CCDC62: variants seen among roughly 807,000 people sequenced by gnomAD.
The protein encoded by CCDC62 is coiled-coil domain-containing protein 62.
CCDC62 carries 72 observed loss-of-function variants against 80.8 expected under a neutral mutation model. That is an observed-to-expected ratio of 0.89 (90% CI 0.74 to 1.08). CCDC62 has a LOEUF of 1.08. Ranked by LOEUF, CCDC62 falls within the 50% of genes least tolerant of loss-of-function variation. The pLI is 0.00. For synonymous variants in CCDC62, 286 were observed against 296.5 expected, an observed-to-expected ratio of 0.96 and a Z score of 0.36; for missense variants, 704 against 809.4, an observed-to-expected ratio of 0.87 and a Z score of 1.58.
Position 122,823,403 on chromosome 12 carries a change from C to T in CCDC62, c.2039C>T (p.Thr680Ile), listed in dbSNP as rs779952779. The T allele has an allele frequency of 1.9e-6, 3 of 1,613,014 alleles. No individual in the cohort carries two copies. Among genetic ancestry groups the T allele is most frequent in the Admixed American group, 3.3e-5 (2 of 60,004 alleles). Residue 680 changes from threonine to isoleucine, a missense_variant, in exon 12 of 13, where the codon ACC (threonine) becomes ATC (isoleucine). Physicochemically the swap from Thr to Ile is moderately conservative, Grantham distance 89. Transcript: ENST00000253079. ...CCAGAAGAGTCAGCTCAAAAAAATA[C>T]CTTTGTCAGTTATTGAAGGAAACAA... The part of the protein sequence containing the change: ...EVPEESAQKN[T>I]FVSY
rs1224013559 is a variant in CCDC62 at position 122,801,432 on chromosome 12, A to C, written c.1286A>C (p.Lys429Thr). ...IEPENKITLC[K>T]IHTKSPKCHG... ...CCCGAAAACAAAATTACATTGTGCAAGATCCACACAAAATCACCAAAATGT... is the reference window on the plus strand; with the variant it reads ...CCCGAAAACAAAATTACATTGTGCACGATCCACACAAAATCACCAAAATGT... Residue 429 changes from lysine to threonine, a missense_variant, in exon 9 of 13, where the codon AAG becomes ACG. Transcript: ENST00000253079. 1 of 1,614,178 alleles carries C rather than the reference A, an allele frequency of 6.2e-7. No individual in the cohort carries two copies. The highest frequency in any genetic ancestry group is 8.5e-7 in the Non-Finnish European group (1 of 1,180,032).
intron 11 of CCDC62, among the ~76,000 whole-genome samples, chr12:122,816,671 T>G (rs2032178417): frequency 6.6e-6 from 1 of 152,168 alleles, no homozygotes; most frequent in Admixed American, 6.6e-5. Context: ...AGGTCAAGAC[T>G]GTGGTGAGCC....
At chr12:122,819,962 T>C (rs764333628) in intron 11 of CCDC62, among the ~76,000 whole-genome samples, 41 of 141,774 alleles carry the variant, frequency 2.9e-4, no homozygotes, top group Non-Finnish European at 4.8e-4. Context: ...CTCGGGAGGC[T>C]GGGACAGGAG....
chr12:122,818,532 G>A (rs2456151), intron 11 of CCDC62, among the ~76,000 whole-genome samples: 16,518 of 151,716 alleles, frequency 0.11, 2,117 homozygotes, highest in African/African-American at 0.31. Context: ...GTTGAGGGGG[G>A]AGGATCGCTT....
intron 12 of CCDC62, among the ~76,000 whole-genome samples, chr12:122,825,676 A>G (rs2032593191): frequency 6.7e-6 from 1 of 150,018 alleles, no homozygotes. Context: ...TATGTGGAGT[A>G]AAGTTTTATA....
At chr12:122,825,675 T>C (rs2032593013) in intron 12 of CCDC62, among the ~76,000 whole-genome samples, 1 of 148,562 alleles carries the variant, frequency 6.7e-6, no homozygotes, top group Non-Finnish European at 1.5e-5. Flanking sequence ...TTATGTGGAG[T>C]AAAGTTTTAT....
At chr12:122,781,689 A>T (rs936239459) in intron 3 of CCDC62, among the ~76,000 whole-genome samples, 3 of 151,994 alleles carry the variant, frequency 2.0e-5, no homozygotes, top group Non-Finnish European at 4.4e-5. Flanking sequence ...CTGTCTCAAA[A>T]AAAAAAAGAA....
intron 3 of CCDC62, among the ~76,000 whole-genome samples, chr12:122,783,376 C>T (rs1241040370): frequency 2.6e-5 from 4 of 151,574 alleles, no homozygotes; most frequent in Non-Finnish European, 5.9e-5. Flanking sequence ...TACAGGCGCC[C>T]GCCACCACGC....
chr12:122,797,207 C>A, intron 6 of CCDC62, 100 bp from the exon 7 acceptor site: 2 of 655,950 alleles, frequency 3.0e-6, no homozygotes, highest in Admixed American at 2.3e-5. Context: ...ACAGGAACAA[C>A]AACAACAAAA....
chr12:122,802,296 T>C (rs1031227085), intron 9 of CCDC62, among the ~76,000 whole-genome samples: 5 of 152,046 alleles, frequency 3.3e-5, no homozygotes, highest in Non-Finnish European at 7.4e-5. Flanking sequence ...TCTTGGTGCA[T>C]TGTGGTGGCT....
At chr12:122,786,078 G>GT (rs1447096466) in intron 4 of CCDC62, among the ~76,000 whole-genome samples, 1 of 152,172 alleles carries the variant, frequency 6.6e-6, no homozygotes, top group Non-Finnish European at 1.5e-5. Flanking sequence ...GAATTAACTT[G>GT]TTTTCTCCCC....
intron 9 of CCDC62, among the ~76,000 whole-genome samples, chr12:122,804,360 G>A (rs1463894039): frequency 5.3e-5 from 8 of 152,144 alleles, no homozygotes; most frequent in African/African-American, 1.9e-4. Flanking sequence ...GGTGGCACAC[G>A]CCTGTAGTCC....
At chr12:122,800,005 T>C (rs1283451793) in intron 8 of CCDC62, among the ~76,000 whole-genome samples, 1 of 151,934 alleles carries the variant, frequency 6.6e-6, no homozygotes, top group Non-Finnish European at 1.5e-5. Context: ...TTCTTTTTCC[T>C]TTTTTTGAGA....
At chr12:122,775,065 G>T (rs1182413515) in intron 1 of CCDC62, among the ~76,000 whole-genome samples, 1 of 124,432 alleles carries the variant, frequency 8.0e-6, no homozygotes. Context: ...CTGCACTCCA[G>T]CCTGGGCGAC....
At chr12:122,824,384 C>G (rs1289428888) in intron 12 of CCDC62, among the ~76,000 whole-genome samples, 3 of 151,922 alleles carry the variant, frequency 2.0e-5, no homozygotes, top group African/African-American at 7.3e-5. Flanking sequence ...CCATTGCACT[C>G]CAGCCGGGCG....
chr12:122,807,966 T>C (rs2031691698), intron 10 of CCDC62, among the ~76,000 whole-genome samples: 2 of 152,214 alleles, frequency 1.3e-5, no homozygotes. Context: ...AGTATCCTAT[T>C]GTGTGGATAT....
At position 122,801,360 on chromosome 12, in the gene CCDC62, A is replaced by T. The variant is rs878900282; in HGVS notation, c.1214A>T (p.Glu405Val). The change falls in exon 9 of 13, where the codon GAG becomes GTG. Residue 405 changes from glutamate to valine, a missense_variant. Physicochemically the swap from Glu to Val is moderately radical, Grantham distance 121. Transcript: ENST00000253079. ...TCCATATTCACCAAAGACTTAGTAG[A>T]GAAACACAACCTCCCTTGGTCTCTG... ...LSSIFTKDLVEKHNLPWSLGG... is the reference protein window; with the variant it reads ...LSSIFTKDLVVKHNLPWSLGG... The T allele has an allele frequency of 6.2e-6, 10 of 1,614,224 alleles. No homozygotes were observed. Among genetic ancestry groups the T allele is most frequent in the Middle Eastern group, 1.6e-4 (1 of 6,062 alleles).
chr12:122,816,463 T>C (rs1054690206), intron 11 of CCDC62, among the ~76,000 whole-genome samples: 1 of 152,220 alleles, frequency 6.6e-6, no homozygotes, highest in Admixed American at 6.5e-5. Flanking sequence ...TGGTGGCTAA[T>C]GCCTGTAATC....
At chr12:122,812,883 G>T (rs1333702384) in intron 10 of CCDC62, among the ~76,000 whole-genome samples, 9 of 151,916 alleles carry the variant, frequency 5.9e-5, no homozygotes, top group African/African-American at 2.2e-4. Flanking sequence ...GCTTTGCTTT[G>T]TAACACCTAA....
Sources: allele counts gnomAD v4.1 joint callset (sites outside exome capture counted in the v4.1 genomes callset), GRCh38; gene constraint gnomAD v4.1.1; transcripts MANE v1.5; gene names NCBI Gene and HGNC (gene_info 2026-07-23, HGNC 2026-07-21).